KSR1: variants seen among roughly 807,000 people sequenced by gnomAD.
KSR1 encodes kinase suppressor of ras.
A neutral mutation model predicts 92.9 loss-of-function variants in KSR1; 35 were observed. The ratio of observed to expected loss-of-function variants is 0.38; its 90% CI spans 0.29 to 0.50. The LOEUF (loss-of-function observed/expected upper bound fraction) is 0.50, where lower values mean the gene tolerates loss of function less well. Ranked by LOEUF, KSR1 falls within the 20% of genes least tolerant of loss-of-function variation. The pLI, the probability that KSR1 is intolerant of heterozygous loss-of-function variation, is 0.94. For synonymous variants in KSR1, 467 were observed against 472.6 expected (o/e 0.99, Z 0.15); for missense variants, 972 against 1,158.5 (o/e 0.84, Z 2.34).
At chr17:27,544,029 C>T (rs550438098) in intron 1 of KSR1, among the ~76,000 whole-genome samples, 51 of 152,316 alleles carry the variant, frequency 3.3e-4, no homozygotes, top group African/African-American at 1.1e-3. Flanking sequence ...ACACCACCCA[C>T]GTCCGCTGCC....
intron 10 of KSR1, among the ~76,000 whole-genome samples, chr17:27,599,926 G>A (rs1244111955): frequency 6.6e-6 from 1 of 151,760 alleles, no homozygotes; most frequent in Non-Finnish European, 1.5e-5. Context: ...GCCTAGGCCT[G>A]TGCAGCCTCA....
In KSR1 at chr17:27,623,472, A is replaced by G; in HGVS notation, c.*80A>G. Reference sequence around the variant, plus strand: ...AACATCCCAACAACCACCACGACAAAAAAACACTGCCTGCCCAGCGCTGCA... The same window carrying G: ...AACATCCCAACAACCACCACGACAAGAAAACACTGCCTGCCCAGCGCTGCA... On this transcript the variant is annotated 3_prime_UTR_variant, in exon 21 of 21. Coordinates refer to ENST00000644974, the MANE Select transcript of KSR1 (RefSeq NM_001394583.1). The G allele has an allele frequency of 2.8e-6, 2 of 706,714 alleles. No individual in the cohort carries two copies. Among genetic ancestry groups the G allele is most frequent in the Non-Finnish European group, 5.2e-6 (2 of 387,102 alleles). 43.8% of individuals were successfully genotyped at this position (706,714 alleles called of 1,614,324 possible).
intron 8 of KSR1, 44 bp from the exon 9 acceptor site, chr17:27,592,476 C>G (rs763320443): frequency 1.2e-6 from 2 of 1,612,408 alleles, no homozygotes; most frequent in African/African-American, 2.7e-5. Context: ...GAATCTTTAG[C>G]TTGACCTGTT....
chr17:27,601,867 T>G, intron 11 of KSR1: 3 of 1,587,216 alleles, frequency 1.9e-6, no homozygotes, highest in Non-Finnish European at 1.7e-6. Context: ...TTAGTGGGCT[T>G]CACCCTTCTG....
At chr17:27,478,569 T>C (rs1243804867) in intron 1 of KSR1, among the ~76,000 whole-genome samples, 1 of 152,156 alleles carries the variant, frequency 6.6e-6, no homozygotes, top group East Asian at 1.9e-4. Context: ...CTGTCCATTA[T>C]TGTTCTCTGG....
intron 11 of KSR1, 104 bp downstream of exon 11, chr17:27,601,505 G>A: frequency 1.1e-6 from 1 of 943,572 alleles, no homozygotes. Context: ...GGAGATACTT[G>A]AGTCTCCCTC....
rs756034237 is a variant in KSR1, at chr17:27,570,559, G to A, written c.373-6933G>A. Among the ~76,000 whole-genome samples, 3 of 152,164 alleles carry A rather than the reference G, an allele frequency of 2.0e-5. No homozygotes were observed. In the East Asian group the frequency reaches 5.8e-4, roughly 29 times the overall value. On this transcript the variant is annotated intron_variant, in intron 2 of 20. Coordinates refer to ENST00000644974, the MANE Select transcript of KSR1 (RefSeq NM_001394583.1). ...CAATCCCAGGCTTACCAATGCATAC[G>A]TGAGAAGAAGCCAATCCTGAAGGTT...
chr17:27,461,429 C>A lies in KSR1; in HGVS notation c.231+4555C>A, dbSNP rs144491293. Among the ~76,000 whole-genome samples, 325 of 152,314 alleles carry A rather than the reference C, an allele frequency of 2.1e-3. 3 individuals are homozygous for A. Among genetic ancestry groups the A allele is most frequent in the Non-Finnish European group, 3.5e-3 (238 of 68,038 alleles). ...GGGGACTTCTCCCAAGTCACAGGTC[C>A]CTGGCAGAACTGAGACTGAAACCTG... On this transcript the variant is annotated intron_variant, in intron 1 of 20. Transcript: ENST00000644974.
At chr17:27,472,606 C>G (rs2020072992) in intron 1 of KSR1, among the ~76,000 whole-genome samples, 1 of 152,158 alleles carries the variant, frequency 6.6e-6, no homozygotes, top group South Asian at 2.1e-4. Flanking sequence ...GTCAGGTGAC[C>G]AGCCTGGCCA....
intron 1 of KSR1, among the ~76,000 whole-genome samples, chr17:27,527,862 T>C (rs1390623665): frequency 6.6e-6 from 1 of 152,244 alleles, no homozygotes; most frequent in Non-Finnish European, 1.5e-5. Context: ...TTTCTGAAAT[T>C]GGGAGGCTTT....
chr17:27,600,090 C>CTTTTTT (rs552526373), intron 10 of KSR1, among the ~76,000 whole-genome samples: 3 of 115,328 alleles, frequency 2.6e-5, no homozygotes, highest in East Asian at 2.7e-4. Flanking sequence ...TTACAGATAA[C>CTTTTTT]TTTTTTTTTT....
chr17:27,530,128 T>C (rs1370493842), intron 1 of KSR1, among the ~76,000 whole-genome samples: 4 of 152,200 alleles, frequency 2.6e-5, no homozygotes, highest in African/African-American at 9.7e-5. Flanking sequence ...CCTTTCCGCA[T>C]CTTTGCCTTT....
chr17:27,474,104 C>T (rs2068268459), intron 1 of KSR1, among the ~76,000 whole-genome samples: 1 of 152,232 alleles, frequency 6.6e-6, no homozygotes, highest in Non-Finnish European at 1.5e-5. Context: ...GGGCTTTTGA[C>T]TATTCTTAGA....
At chr17:27,519,880 C>T (rs78242029) in intron 1 of KSR1, among the ~76,000 whole-genome samples, 3,356 of 152,280 alleles carry the variant, frequency 0.022, 62 homozygotes, top group Non-Finnish European at 0.035. Context: ...AGCTCTTCAT[C>T]CAGCCCAGCT....
At chr17:27,469,993 AGTGT>A (rs145390989) in intron 1 of KSR1, among the ~76,000 whole-genome samples, 11,424 of 139,310 alleles carry the variant, frequency 0.082, 587 homozygotes, top group East Asian at 0.19. Flanking sequence ...ATGGAGATGG[AGTGT>A]GTGTGTGTGT....
intron 2 of KSR1, chr17:27,560,439 A>C: frequency 1.9e-6 from 1 of 519,054 alleles, no homozygotes; most frequent in Non-Finnish European, 3.8e-6. Context: ...TCCTGAACTG[A>C]AGATGCAGGC....
At chr17:27,508,709 T>A (rs111758242) in intron 1 of KSR1, among the ~76,000 whole-genome samples, 2,931 of 138,274 alleles carry the variant, frequency 0.021, 72 homozygotes, top group African/African-American at 0.057. Context: ...CCTGAATTTT[T>A]TTTATTTATT....
chr17:27,609,730 C>T lies in KSR1; in HGVS notation c.2226-337C>T, dbSNP rs1246433738. 9 of 339,968 alleles carry T rather than the reference C, an allele frequency of 2.6e-5. No individual in the cohort carries two copies. The East Asian group carries it at 4.7e-4, about 18-fold the overall frequency. 21.1% of individuals were successfully genotyped at this position (339,968 alleles called of 1,614,324 possible). Reference sequence around the variant, plus strand: ...GGCAGCAAGGCTGCAAGGCCAGCCCCAGCCAAGTTTGAGATCCACAGGCAG... The same window carrying T: ...GGCAGCAAGGCTGCAAGGCCAGCCCTAGCCAAGTTTGAGATCCACAGGCAG... On this transcript the variant is annotated intron_variant, in intron 16 of 20. Transcript: ENST00000644974.
At chr17:27,567,118 G>A (rs138501458) in intron 2 of KSR1, among the ~76,000 whole-genome samples, 204 of 152,242 alleles carry the variant, frequency 1.3e-3, no homozygotes, top group African/African-American at 4.7e-3. Context: ...CTACTTACAC[G>A]GTGGTGATAA....
Sources: allele counts gnomAD v4.1 joint callset (sites outside exome capture counted in the v4.1 genomes callset), GRCh38; gene constraint gnomAD v4.1.1; transcripts MANE v1.5; gene names NCBI Gene and HGNC (gene_info 2026-07-23, HGNC 2026-07-21).